The following CCDC148 variants were observed in gnomAD, a reference collection of about 807,000 sequenced individuals.
CCDC148 encodes the protein coiled-coil domain-containing protein 148.
CCDC148 carries 89 observed loss-of-function variants against 85.7 expected under a neutral mutation model. The ratio of observed to expected loss-of-function variants is 1.04; its 90% confidence interval spans 0.87 to 1.24. The LOEUF is 1.24. Among genes scored for constraint, CCDC148 ranks in the 50% most tolerant of loss-of-function variants. The probability of loss-of-function intolerance (pLI) is 0.00; values close to 1 mark genes in which losing one functional copy is unlikely to be tolerated. For missense variants in CCDC148, 692 were observed against 671.7 expected, an observed-to-expected ratio of 1.03 and a Z score of -0.33; for synonymous variants, 230 against 213.9, an observed-to-expected ratio of 1.08 and a Z score of -0.66.
At chr2:158,181,325 A>G (rs962320389) in intron 11 of CCDC148, among the ~76,000 whole-genome samples, 3 of 152,166 alleles carry the variant, frequency 2.0e-5, no homozygotes, top group African/African-American at 7.2e-5. Context: ...AGGCTGACTC[A>G]TCATTTACTT....
At chr2:158,287,928 G>C (rs1160978224) in intron 9 of CCDC148, among the ~76,000 whole-genome samples, 3 of 152,212 alleles carry the variant, frequency 2.0e-5, no homozygotes, top group Non-Finnish European at 4.4e-5. Flanking sequence ...CTTTTGCCTA[G>C]ACATCCAGGT....
intron 9 of CCDC148, among the ~76,000 whole-genome samples, chr2:158,261,291 G>A (rs185580286): frequency 3.3e-5 from 5 of 152,040 alleles, no homozygotes; most frequent in East Asian, 1.9e-4. Context: ...TTCAATAAAC[G>A]GTGCTGGGAT....
At chr2:158,401,564 G>A (rs112110199) in intron 1 of CCDC148, among the ~76,000 whole-genome samples, 1 of 152,188 alleles carries the variant, frequency 6.6e-6, no homozygotes, top group East Asian at 1.9e-4. Context: ...ACTGGAGAGG[G>A]ATAGCATTAG....
chr2:158,388,223 A>G (rs1170111015), intron 1 of CCDC148, among the ~76,000 whole-genome samples: 1 of 151,026 alleles, frequency 6.6e-6, no homozygotes, highest in Non-Finnish European at 1.5e-5. Flanking sequence ...GAAGCCAGTC[A>G]GTATTTTCTG....
chr2:158,353,023 T>A (rs1006697772), intron 2 of CCDC148, among the ~76,000 whole-genome samples: 1 of 151,194 alleles, frequency 6.6e-6, no homozygotes, highest in Non-Finnish European at 1.5e-5. Context: ...GACAAGCAAA[T>A]GCTGAGAGAT....
At position 158,456,693 on chromosome 2, in the gene CCDC148, A is replaced by G; in HGVS notation, c.-254T>C. 1 of 556,842 alleles carries G rather than the reference A, an allele frequency of 1.8e-6. No homozygotes were observed. The highest frequency in any genetic ancestry group is 3.1e-5 in the East Asian group (1 of 32,432). 34.5% of individuals were successfully genotyped at this position (556,842 alleles called of 1,614,324 possible). A position where few individuals can be genotyped will look rare whatever the true frequency, so the allele number is the denominator to read the frequency against. ...CCCTCCCGCGCCCGAGACCTGAGAC[A>G]CCTTCTCTCTCACACCCACCCTCTC... On this transcript the variant is annotated 5_prime_UTR_variant, in exon 1 of 14. Coordinates refer to ENST00000283233, the MANE Select transcript of CCDC148 (RefSeq NM_138803.4).
At chr2:158,279,211 A>T (rs1690129506) in intron 9 of CCDC148, among the ~76,000 whole-genome samples, 2 of 152,174 alleles carry the variant, frequency 1.3e-5, no homozygotes, top group Admixed American at 1.3e-4. Context: ...AAACTCTAAA[A>T]AGCAGAGCAC....
intron 1 of CCDC148, among the ~76,000 whole-genome samples, chr2:158,381,669 AG>A (rs1684873329): frequency 6.6e-6 from 1 of 152,172 alleles, no homozygotes; most frequent in Non-Finnish European, 1.5e-5. Context: ...CGCTATCTCC[AG>A]TAACACATGT....
At chr2:158,231,516 G>T (rs1687855590) in intron 10 of CCDC148, among the ~76,000 whole-genome samples, 1 of 152,054 alleles carries the variant, frequency 6.6e-6, no homozygotes, top group Non-Finnish European at 1.5e-5. Context: ...GTTCTGCCTT[G>T]CCTTATTGCT....
chr2:158,235,031 C>T (rs1203658149), intron 10 of CCDC148, among the ~76,000 whole-genome samples: 1 of 152,050 alleles, frequency 6.6e-6, no homozygotes, highest in African/African-American at 2.4e-5. Flanking sequence ...GGGTACTAGG[C>T]TTAATACCTG....
intron 9 of CCDC148, among the ~76,000 whole-genome samples, chr2:158,257,897 A>C (rs974940707): frequency 1.3e-5 from 2 of 151,920 alleles, no homozygotes; most frequent in Non-Finnish European, 2.9e-5. Context: ...TTTTTCTGAA[A>C]GGATAAAATT....
intron 10 of CCDC148, among the ~76,000 whole-genome samples, chr2:158,246,173 TA>T (rs1688562346): frequency 6.6e-6 from 1 of 151,936 alleles, no homozygotes; most frequent in African/African-American, 2.4e-5. Context: ...GCCAGTCCCT[TA>T]GGAAAAGGGA....
intron 1 of CCDC148, among the ~76,000 whole-genome samples, chr2:158,452,474 A>G (rs1425294928): frequency 6.6e-6 from 1 of 152,204 alleles, no homozygotes; most frequent in Admixed American, 6.5e-5. Context: ...TTTTTCTTGT[A>G]TCTGCTATTT....
At chr2:158,393,914 G>GAATAATTATATAAC (rs1268232524) in intron 1 of CCDC148, among the ~76,000 whole-genome samples, 2 of 152,066 alleles carry the variant, frequency 1.3e-5, no homozygotes, top group African/African-American at 4.8e-5. Context: ...TAGACAAATG[G>GAATAATTATATAAC]AATAATTATA....
At chr2:158,315,363 T>G (rs192428498) in intron 7 of CCDC148, among the ~76,000 whole-genome samples, 1 of 152,320 alleles carries the variant, frequency 6.6e-6, no homozygotes, top group East Asian at 1.9e-4. Context: ...CATAAATGCA[T>G]TTTAATAGCA....
intron 11 of CCDC148, among the ~76,000 whole-genome samples, chr2:158,183,297 A>C (rs1304720798): frequency 6.6e-6 from 1 of 152,168 alleles, no homozygotes; most frequent in Admixed American, 6.5e-5. Context: ...TTTATGTATC[A>C]TTTATGAGAC....
chr2:158,252,948 C>A (rs1047308851), intron 9 of CCDC148, among the ~76,000 whole-genome samples: 3 of 151,866 alleles, frequency 2.0e-5, no homozygotes, highest in African/African-American at 7.2e-5. Flanking sequence ...AGCTTCACAT[C>A]AAACCCTGTG....
chr2:158,290,926 T>G (rs1362989595), intron 9 of CCDC148, among the ~76,000 whole-genome samples: 1 of 151,976 alleles, frequency 6.6e-6, no homozygotes, highest in African/African-American at 2.4e-5. Flanking sequence ...CTCACCCAGT[T>G]CTGCCCATTC....
intron 1 of CCDC148, among the ~76,000 whole-genome samples, chr2:158,432,459 A>G (rs1687400065): frequency 6.6e-6 from 1 of 152,226 alleles, no homozygotes; most frequent in Non-Finnish European, 1.5e-5. Context: ...TAAATATACT[A>G]TAAACAACTT....
Sources: gnomAD v4.1 joint callset for allele counts (sites outside exome capture counted in the v4.1 genomes callset) on GRCh38, gnomAD v4.1.1 for gene constraint, MANE v1.5 for transcripts, NCBI Gene and HGNC (gene_info 2026-07-23, HGNC 2026-07-21) for gene names.